ERCC1: variants seen among roughly 807,000 people sequenced by gnomAD.
ERCC1 encodes DNA excision repair protein ERCC-1.
ERCC1 carries 36 observed loss-of-function variants against 37.6 expected under a neutral mutation model. The ratio of observed to expected loss-of-function variants is 0.96; its 90% CI spans 0.73 to 1.26. ERCC1 has a LOEUF of 1.26. Among genes scored for constraint, ERCC1 ranks in the 50% most tolerant of loss-of-function variants. The pLI is 0.00. For missense variants in ERCC1, 349 were observed against 376.5 expected (o/e 0.93, Z 0.60); for synonymous variants, 156 against 162.1 (o/e 0.96, Z 0.28).
At chr19:45,444,367 C>T (rs926863369) in intron 1 of ERCC1, among the ~76,000 whole-genome samples, 12 of 150,984 alleles carry the variant, frequency 7.9e-5, no homozygotes, top group African/African-American at 2.2e-4. Flanking sequence ...CTCCCACGCC[C>T]GGCGCGGGTT....
At chr19:45,410,980 C>A (rs1411393440) in intron 9 of ERCC1, among the ~76,000 whole-genome samples, 1 of 152,138 alleles carries the variant, frequency 6.6e-6, no homozygotes, top group Non-Finnish European at 1.5e-5. Context: ...CGCGCCACCA[C>A]ACCCAGCTCA....
intron 7 of ERCC1, 146 bp downstream of exon 7, chr19:45,414,715 C>A (rs1599816816): frequency 3.1e-6 from 2 of 651,822 alleles, no homozygotes; most frequent in South Asian, 1.6e-5. Flanking sequence ...CTCAGGAAAA[C>A]CCCTCTAGCT....
chr19:45,428,042 C>T (rs964980048), upstream of ERCC1, among the ~76,000 whole-genome samples: 2 of 145,310 alleles, frequency 1.4e-5, no homozygotes, highest in Non-Finnish European at 3.0e-5. Context: ...TGGATTTCTA[C>T]CCTCAGTTTC....
At position 45,408,069 on chromosome 19, in the gene ERCC1, A is replaced by ACC; in HGVS notation, c.*1605_*1606insGG. On this transcript the variant is annotated 3_prime_UTR_variant, in exon 10 of 10. Transcript: ENST00000300853. Reference sequence around the variant, plus strand: ...ACTCTCTCAAAAAAAAACAAAAAAAAAATCAAAAAACCTTCCCTCTCCTGT... The same window carrying ACC: ...ACTCTCTCAAAAAAAAACAAAAAAAACCAATCAAAAAACCTTCCCTCTCCTGT... 2.0e-6 allele frequency: 3 copies of ACC among 1,506,496 alleles called. No homozygotes were observed. The highest frequency in any genetic ancestry group is 1.8e-6 in the Non-Finnish European group (2 of 1,130,094). 93.3% of individuals were successfully genotyped at this position (1,506,496 alleles called of 1,614,324 possible). A position where few individuals can be genotyped will look rare whatever the true frequency, so the allele number is the denominator to read the frequency against.
chr19:45,448,771 GGGCCTAGAAAGACCCCC>G (rs1967024065), intron 1 of ERCC1, among the ~76,000 whole-genome samples: 1 of 151,968 alleles, frequency 6.6e-6, no homozygotes, highest in Non-Finnish European at 1.5e-5. Flanking sequence ...AGCTATTTGG[GGGCCTAGAAAGACCCCC>G]CACCCCGCCC....
At chr19:45,432,475 G>A (rs1181435024) in intron 1 of ERCC1, among the ~76,000 whole-genome samples, 1 of 151,912 alleles carries the variant, frequency 6.6e-6, no homozygotes, top group Admixed American at 6.6e-5. Context: ...AAATTTCTCA[G>A]TTTTGATTTC....
rs957138739 is a variant in ERCC1, at chr19:45,423,349, C to T, written c.26G>A (p.Gly9Glu). The T allele has an allele frequency of 5.0e-6, 8 of 1,613,426 alleles. No individual in the cohort carries two copies. The East Asian group carries it at 1.8e-4, about 36-fold the overall frequency. Reference sequence around the variant, plus strand: ...TGGCGGCCCTGAGGGCTGGGGCACCCCCTCTTTGTCCTTCCCAGGGTCCAT... The same window carrying T: ...TGGCGGCCCTGAGGGCTGGGGCACCTCCTCTTTGTCCTTCCCAGGGTCCAT... MDPGKDKE[G>E]VPQPSGPPAR... The change falls in exon 2 of 10, where the codon GGG becomes GAG. Residue 9 changes from glycine (G) to glutamate (E), a missense_variant. By Grantham distance (98) the Gly-to-Glu change is moderately conservative (BLOSUM62 -2). Coordinates refer to ENST00000300853, the MANE Select transcript of ERCC1 (RefSeq NM_001983.4).
At chr19:45,410,673 CT>C (rs3212984) in intron 9 of ERCC1, 15,133 of 151,258 alleles carry the variant, frequency 0.1, 1,468 homozygotes, top group East Asian at 0.29. Flanking sequence ...TCCATCCACT[CT>C]TATCTCCATG....
At chr19:45,425,426 T>C (rs1406779036), upstream of ERCC1, among the ~76,000 whole-genome samples, 1 of 152,070 alleles carries the variant, frequency 6.6e-6, no homozygotes, top group Non-Finnish European at 1.5e-5. Context: ...TTTGCTCTTG[T>C]TGCCTAGGCT....
chr19:45,438,468 A>G (rs61477852), intron 1 of ERCC1, among the ~76,000 whole-genome samples: 11,951 of 151,092 alleles, frequency 0.079, 1,514 homozygotes, highest in African/African-American at 0.27. Context: ...TTGTTTGTTT[A>G]TTTATTTATT....
chr19:45,419,206 G>C lies in ERCC1; in HGVS notation c.426-9C>G. The C allele has an allele frequency of 3.2e-6, 5 of 1,572,920 alleles. No individual in the cohort carries two copies. The highest frequency in any genetic ancestry group is 4.3e-6 in the Non-Finnish European group (5 of 1,155,330). On this transcript the variant is annotated splice_polypyrimidine_tract_variant and intron_variant, in intron 4 of 9. Coordinates refer to ENST00000300853, the MANE Select transcript of ERCC1 (RefSeq NM_001983.4). ...GGTTGTGGTAGCGGAGGCTGGTGGG[G>C]GCAGGGAGCGGGAGTTGAGAGGTCT...
chr19:45,439,661 G>A (rs1568599645), intron 1 of ERCC1, among the ~76,000 whole-genome samples: 1 of 152,124 alleles, frequency 6.6e-6, no homozygotes, highest in Non-Finnish European at 1.5e-5. Flanking sequence ...AAACTCCGCC[G>A]TCGGCTCTGA....
At chr19:45,411,207 C>G (rs902157481) in intron 9 of ERCC1, among the ~76,000 whole-genome samples, 2 of 152,134 alleles carry the variant, frequency 1.3e-5, no homozygotes, top group African/African-American at 4.8e-5. Flanking sequence ...TGCTGATGGA[C>G]ACAGGTTGGT....
chr19:45,445,078 A>AC (rs1371362388), intron 1 of ERCC1, among the ~76,000 whole-genome samples: 1 of 152,080 alleles, frequency 6.6e-6, no homozygotes. Flanking sequence ...GTGCAATGGT[A>AC]CCATCTGGGC....
rs562322095 is a variant in ERCC1 at position 45,419,286 on chromosome 19, T to C, written c.426-89A>G. 5.4e-6 allele frequency: 5 copies of C among 922,334 alleles called. 1 individual carries two copies. In the South Asian group the frequency reaches 7.0e-5, roughly 13 times the overall value. 57.1% of individuals were successfully genotyped at this position (922,334 alleles called of 1,614,324 possible). ...TCCCTCTCACTGGAATACTAAGGGC[T>C]CAGAGTACGGCATGGGGGACAGAGG... On this transcript the variant is annotated intron_variant, in intron 4 of 9. Coordinates refer to ENST00000300853, the MANE Select transcript of ERCC1 (RefSeq NM_001983.4).
chr19:45,423,274 C>G lies in ERCC1; in HGVS notation c.101G>C (p.Gly34Ala). The change falls in exon 2 of 10, where the codon GGA (glycine) becomes GCA (alanine). Residue 34 changes from glycine (G) to alanine (A), a missense_variant. By Grantham distance (60) the Gly-to-Ala change is moderately conservative. Coordinates refer to ENST00000300853, the MANE Select transcript of ERCC1 (RefSeq NM_001983.4). ...IPLDEDEVPP[G>A]VAKPLFRSTQ... ...CCCCGCATCTCCTTGTCCTACCACT[C>G]CAGGAGGGACCTCATCCTCGTCGAG... 1 of 1,613,138 alleles carries G rather than the reference C, an allele frequency of 6.2e-7. No homozygotes were observed. The highest frequency in any genetic ancestry group is 8.5e-7 in the Non-Finnish European group (1 of 1,179,628).
At chr19:45,444,137 C>A (rs1004794435) in intron 1 of ERCC1, among the ~76,000 whole-genome samples, 3 of 150,888 alleles carry the variant, frequency 2.0e-5, no homozygotes, top group Non-Finnish European at 4.4e-5. Context: ...CCCCGACTCA[C>A]CCGCTTCCCT....
chr19:45,409,286 C>T lies in ERCC1; in HGVS notation c.*389G>A, dbSNP rs779058845. On this transcript the variant is annotated 3_prime_UTR_variant, in exon 10 of 10. Coordinates refer to ENST00000300853, the MANE Select transcript of ERCC1 (RefSeq NM_001983.4). ...TCACACAGTGACTGAGCCAATTCAG[C>T]CACTAGAGCCTGAACTGCCAGGGGA... 3.1e-6 allele frequency: 5 copies of T among 1,614,016 alleles called. No individual in the cohort carries two copies. The highest frequency in any genetic ancestry group is 4.2e-6 in the Non-Finnish European group (5 of 1,179,986).
rs1006183543 is a variant in ERCC1, at chr19:45,432,397, A to G, written c.-7-9016T>C. Among the ~76,000 whole-genome samples the G allele has an allele frequency of 5.9e-5, 9 of 152,140 alleles. No individual in the cohort carries two copies. The South Asian group carries it at 6.2e-4, about 11-fold the overall frequency. ...GCGATACTTCCACCCCAGCCTCCCA[A>G]GTAGCTAGGATTACAGGTTTACACC... On this transcript the variant is annotated intron_variant, in intron 1 of 8. Coordinates refer to the ERCC1 transcript ENST00000423698.
Sources: allele counts gnomAD v4.1 joint callset (sites outside exome capture counted in the v4.1 genomes callset), GRCh38; gene constraint gnomAD v4.1.1; transcripts MANE v1.5; gene names NCBI Gene and HGNC (gene_info 2026-07-23, HGNC 2026-07-21).